RAD54L2: variants seen among roughly 807,000 people sequenced by gnomAD.
The protein encoded by RAD54L2 is helicase ARIP4.
A neutral mutation model predicts 138.4 loss-of-function variants in RAD54L2; 27 were observed. The observed-to-expected ratio is 0.20, with a 90% confidence interval of 0.14 to 0.27. The LOEUF is 0.27. RAD54L2 is among the 10% of genes least tolerant of loss of function. The pLI is 1.00. For missense variants in RAD54L2, 1,396 were observed against 1,890.2 expected (o/e 0.74, Z 4.85); for synonymous variants, 644 against 723.2 (o/e 0.89, Z 1.76).
At position 51,645,635 on chromosome 3, in the gene RAD54L2, A is replaced by G; in HGVS notation, c.2701A>G (p.Lys901Glu). Residue 901 changes from lysine to glutamate, a missense_variant, in exon 18 of 23, where the codon AAA becomes GAA. Coordinates refer to ENST00000684192, the MANE Select transcript of RAD54L2 (RefSeq NM_015106.4). The surrounding 1 kb of genome is among the most constrained non-coding windows in gnomAD (Gnocchi z 6.1). Reference protein sequence around the residue: ...DLNPMLNFTRKEVENLLHFVE... With the variant: ...DLNPMLNFTREEVENLLHFVE... Reference sequence around the variant, plus strand: ...AAATCCAATGCTGAACTTCACACGGAAAGAGGTGGAAAACCTACTGCACTT... The same window carrying G: ...AAATCCAATGCTGAACTTCACACGGGAAGAGGTGGAAAACCTACTGCACTT... 1 of 1,612,604 alleles carries G rather than the reference A, an allele frequency of 6.2e-7. No individual in the cohort carries two copies.
At chr3:51,655,531 G>A (rs763225405) in intron 19 of RAD54L2, among the ~76,000 whole-genome samples, 4 of 152,170 alleles carry the variant, frequency 2.6e-5, no homozygotes, top group Non-Finnish European at 5.9e-5. Context: ...TAAACGTGTC[G>A]TTACATGGCC....
chr3:51,549,777 C>CAAA (rs5848927), intron 2 of RAD54L2, among the ~76,000 whole-genome samples: 1 of 63,064 alleles, frequency 1.6e-5, no homozygotes, highest in Non-Finnish European at 3.4e-5. Context: ...GTCTCCATCT[C>CAAA]AAAAAAAAAA....
chr3:51,633,373 G>A (rs1700896715), intron 7 of RAD54L2, among the ~76,000 whole-genome samples: 1 of 152,188 alleles, frequency 6.6e-6, no homozygotes, highest in African/African-American at 2.4e-5. Flanking sequence ...CACTGTACTA[G>A]TGAATCCTTT....
chr3:51,549,877 T>G (rs1553673221), intron 2 of RAD54L2, among the ~76,000 whole-genome samples: 2 of 151,938 alleles, frequency 1.3e-5, no homozygotes, highest in African/African-American at 4.8e-5. Context: ...CTCCACACCC[T>G]ATCTCTTCAT....
At chr3:51,617,318 T>C (rs1292130219) in intron 3 of RAD54L2, among the ~76,000 whole-genome samples, 1 of 152,240 alleles carries the variant, frequency 6.6e-6, no homozygotes, top group African/African-American at 2.4e-5. Flanking sequence ...CCAAAGTGAT[T>C]ATACCACTCT....
At position 51,639,967 on chromosome 3, in the gene RAD54L2, T is replaced by C; in HGVS notation, c.2199T>C (p.Ser733=). ...MVLLFHLIEE[S]VKLGDKILVF... is the part of the protein sequence containing the mutation. ...TGCTTTTCCACCTGATTGAGGAAAG[T>C]GTGAAGCTTGGGGACAAGATCCTTG... Residue 733 remains serine, a synonymous_variant, in exon 14 of 23, where the codon AGT becomes AGC. Transcript: ENST00000684192. 6.2e-7 allele frequency: 1 copy of C among 1,610,238 alleles called. No individual in the cohort carries two copies. Among genetic ancestry groups the C allele is most frequent in the South Asian group, 1.1e-5 (1 of 90,668 alleles).
chr3:51,540,230 C>G (rs1285401573), intron 1 of RAD54L2, among the ~76,000 whole-genome samples: 1 of 152,210 alleles, frequency 6.6e-6, no homozygotes, highest in Non-Finnish European at 1.5e-5. Context: ...AAAACTCTAA[C>G]ATTTATGTTG....
intron 3 of RAD54L2, among the ~76,000 whole-genome samples, chr3:51,607,151 G>A (rs1245001246): frequency 4.2e-5 from 6 of 143,530 alleles, no homozygotes; most frequent in Admixed American, 2.2e-4. Context: ...GGTGTTTCTC[G>A]GAGAGGGGGA....
At chr3:51,557,094 G>A (rs1698988503) in intron 2 of RAD54L2, among the ~76,000 whole-genome samples, 2 of 151,734 alleles carry the variant, frequency 1.3e-5, no homozygotes, top group South Asian at 4.2e-4. Flanking sequence ...GCATCATGAA[G>A]CATCATGTAC....
rs557457039 is a variant in RAD54L2 at position 51,638,254 on chromosome 3, T to C, written c.1793T>C (p.Phe598Ser). Reference protein sequence around the residue: ...RDLYTQFMDRFRDCGSSGWLG... With the variant: ...RDLYTQFMDRSRDCGSSGWLG... ...TTGTATACACAGTTCATGGATCGCTTCCGGGACTGTGGTAGCAGCGGTTGG... is the reference window on the plus strand; with the variant it reads ...TTGTATACACAGTTCATGGATCGCTCCCGGGACTGTGGTAGCAGCGGTTGG... The change falls in exon 12 of 23, where the codon TTC becomes TCC. Residue 598 changes from phenylalanine to serine, a missense_variant. Physicochemically the swap from Phe to Ser is radical, Grantham distance 155. Coordinates refer to ENST00000684192, the MANE Select transcript of RAD54L2 (RefSeq NM_015106.4). The surrounding 1 kb of genome is among the most constrained non-coding windows in gnomAD (Gnocchi z 4.3). The C allele has an allele frequency of 6.2e-7, 1 of 1,614,000 alleles. No homozygotes were observed. The highest frequency in any genetic ancestry group is 8.5e-7 in the Non-Finnish European group (1 of 1,179,880).
chr3:51,578,311 A>G (rs1408895943), intron 2 of RAD54L2, among the ~76,000 whole-genome samples: 1 of 152,138 alleles, frequency 6.6e-6, no homozygotes, highest in Non-Finnish European at 1.5e-5. Context: ...CTTCCTCACG[A>G]CATTCTAGGG....
chr3:51,649,906 T>C (rs1701385410), intron 19 of RAD54L2, among the ~76,000 whole-genome samples: 1 of 152,198 alleles, frequency 6.6e-6, no homozygotes, highest in Non-Finnish European at 1.5e-5. Context: ...GCAAACATCA[T>C]AATGATAGGA....
At chr3:51,582,358 C>T (rs1351192949) in intron 2 of RAD54L2, among the ~76,000 whole-genome samples, 4 of 147,390 alleles carry the variant, frequency 2.7e-5, no homozygotes, top group Non-Finnish European at 6.0e-5. Context: ...CTTGCCTCAT[C>T]CCCTGTATCC....
chr3:51,649,618 C>T (rs1374085277), intron 19 of RAD54L2, among the ~76,000 whole-genome samples: 1 of 152,162 alleles, frequency 6.6e-6, no homozygotes, highest in Admixed American at 6.5e-5. Flanking sequence ...ACTCTACAAG[C>T]CAGAAGAGAG....
At chr3:51,655,501 G>T (rs983148054) in intron 19 of RAD54L2, among the ~76,000 whole-genome samples, 1 of 152,306 alleles carries the variant, frequency 6.6e-6, no homozygotes, top group Non-Finnish European at 1.5e-5. Flanking sequence ...AGTTGGAACA[G>T]ACTATTTTTT....
At chr3:51,559,230 T>C (rs1192000007) in intron 2 of RAD54L2, among the ~76,000 whole-genome samples, 1 of 152,174 alleles carries the variant, frequency 6.6e-6, no homozygotes, top group African/African-American at 2.4e-5. Context: ...CTTTCACATT[T>C]AATGTGTCTA....
rs939278386 is a variant in RAD54L2, at chr3:51,663,165, A to T, written c.4149A>T (p.Ser1383=). The T allele has an allele frequency of 6.2e-7, 1 of 1,612,536 alleles. No individual in the cohort carries two copies. Among genetic ancestry groups the T allele is most frequent in the East Asian group, 2.2e-5 (1 of 44,810 alleles). Residue 1383 remains serine (S), a synonymous_variant, in exon 23 of 23, where the codon TCA becomes TCT. Coordinates refer to ENST00000684192, the MANE Select transcript of RAD54L2 (RefSeq NM_015106.4). ...PSVPGILPSY[S]LPFSQPLLSE... ...TGCCAGGGATACTACCCAGCTATTCACTCCCATTCTCACAGCCACTCCTGT... is the reference window on the plus strand; with the variant it reads ...TGCCAGGGATACTACCCAGCTATTCTCTCCCATTCTCACAGCCACTCCTGT...
intron 2 of RAD54L2, among the ~76,000 whole-genome samples, chr3:51,551,659 T>A (rs1698839968): frequency 6.6e-6 from 1 of 151,972 alleles, no homozygotes; most frequent in Admixed American, 6.6e-5. Flanking sequence ...GGTCTCGAAC[T>A]CCTGACATCA....
At chr3:51,553,740 G>C (rs1471796106) in intron 2 of RAD54L2, among the ~76,000 whole-genome samples, 1 of 152,174 alleles carries the variant, frequency 6.6e-6, no homozygotes, top group Non-Finnish European at 1.5e-5. Flanking sequence ...TGAGGTGGAA[G>C]AATCACTTGC....
Sources: gnomAD v4.1 joint callset for allele counts (sites outside exome capture counted in the v4.1 genomes callset) on GRCh38, gnomAD v4.1.1 for gene constraint, Gnocchi (gnomAD v3.1) non-coding constraint, MANE v1.5 for transcripts, NCBI Gene and HGNC (gene_info 2026-07-23, HGNC 2026-07-21) for gene names.